TEAD1: variants seen among roughly 807,000 people sequenced by gnomAD.
The protein encoded by TEAD1 is transcriptional enhancer factor TEF-1.
A neutral mutation model predicts 54.9 loss-of-function variants in TEAD1; 9 were observed. The observed-to-expected ratio is 0.16, with a 90% CI of 0.10 to 0.29. The LOEUF (loss-of-function observed/expected upper bound fraction) is 0.29, where lower values mean the gene tolerates loss of function less well. Ranked by LOEUF, TEAD1 falls within the 10% of genes least tolerant of loss-of-function variation. TEAD1 has a pLI of 1.00. For synonymous variants in TEAD1, 200 were observed against 187.8 expected, an observed-to-expected ratio of 1.07 and a Z score of -0.53; for missense variants, 387 against 535.9, an observed-to-expected ratio of 0.72 and a Z score of 2.74.
intron 8 of TEAD1, 40 bp from the exon 9 acceptor site, chr11:12,882,961 G>A: frequency 1.2e-6 from 2 of 1,614,092 alleles, no homozygotes; most frequent in African/African-American, 1.3e-5. Flanking sequence ...CCCAAGGGGA[G>A]GTGAGTGACC....
chr11:12,924,971 G>A lies in TEAD1; in HGVS notation c.933G>A (p.Gln311=), dbSNP rs778714697. ...GGGCTTTTTATGGTGTAACCAGTCA[G>A]TACGAGAGTTCTGAAAATATGACAG... Residue 311 remains glutamine, a synonymous_variant, in exon 11 of 13, where the codon CAG becomes CAA. Coordinates refer to ENST00000527636, the MANE Select transcript of TEAD1 (RefSeq NM_021961.6). 3 of 1,614,054 alleles carry A rather than the reference G, an allele frequency of 1.9e-6. No homozygotes were observed. Among genetic ancestry groups the A allele is most frequent in the African/African-American group, 1.3e-5 (1 of 74,926 alleles).
At chr11:12,778,277 C>G (rs908069856) in intron 3 of TEAD1, among the ~76,000 whole-genome samples, 1 of 152,162 alleles carries the variant, frequency 6.6e-6, no homozygotes, top group African/African-American at 2.4e-5. Flanking sequence ...CCTGGATGTT[C>G]TTACTGCTGC....
chr11:12,763,835 A>G (rs564234868), intron 2 of TEAD1, among the ~76,000 whole-genome samples: 1 of 152,332 alleles, frequency 6.6e-6, no homozygotes, highest in South Asian at 2.1e-4. Flanking sequence ...AGTGAGTACC[A>G]TTCTTCCATA....
chr11:12,875,854 G>T (rs1742571385), intron 5 of TEAD1, among the ~76,000 whole-genome samples: 1 of 152,180 alleles, frequency 6.6e-6, no homozygotes, highest in South Asian at 2.1e-4. Context: ...AAAAGTATCT[G>T]TTTATAATGG....
At chr11:12,734,713 A>G (rs1243110695) in intron 2 of TEAD1, among the ~76,000 whole-genome samples, 2 of 152,228 alleles carry the variant, frequency 1.3e-5, no homozygotes, top group Non-Finnish European at 2.9e-5. Context: ...AATATGCCGT[A>G]CAGATCTGTA....
chr11:12,924,803 C>A, intron 10 of TEAD1, 109 bp from the exon 11 acceptor site: 3 of 1,367,780 alleles, frequency 2.2e-6, no homozygotes, highest in Non-Finnish European at 3.1e-6. Context: ...CCTTCCCAAG[C>A]CAGCCCTCTT....
At chr11:12,892,389 C>G (rs1948214245) in intron 9 of TEAD1, among the ~76,000 whole-genome samples, 1 of 152,126 alleles carries the variant, frequency 6.6e-6, no homozygotes, top group Admixed American at 6.5e-5. Context: ...CCTGTAAACC[C>G]AGCACTTTGG....
At chr11:12,832,963 C>T (rs1404683981) in intron 3 of TEAD1, among the ~76,000 whole-genome samples, 1 of 152,256 alleles carries the variant, frequency 6.6e-6, no homozygotes, top group Non-Finnish European at 1.5e-5. Flanking sequence ...GTCTTTTCAT[C>T]TTCCGAAATT....
chr11:12,785,601 T>C (rs1188588491), intron 3 of TEAD1, among the ~76,000 whole-genome samples: 1 of 152,224 alleles, frequency 6.6e-6, no homozygotes, highest in Admixed American at 6.5e-5. Flanking sequence ...TCAATTCTTA[T>C]TCCTATGCCA....
At chr11:12,731,125 C>G (rs890068347) in intron 2 of TEAD1, among the ~76,000 whole-genome samples, 2 of 152,164 alleles carry the variant, frequency 1.3e-5, no homozygotes, top group East Asian at 1.9e-4. Context: ...GATAGGGTCT[C>G]TTAGAATCTT....
At chr11:12,917,271 G>A (rs1422499291) in intron 10 of TEAD1, among the ~76,000 whole-genome samples, 4 of 152,168 alleles carry the variant, frequency 2.6e-5, no homozygotes, top group Admixed American at 2.6e-4. Context: ...CCGGGACAAG[G>A]AATGTGGGTG....
At chr11:12,905,179 C>T (rs893556166) in intron 10 of TEAD1, among the ~76,000 whole-genome samples, 10 of 152,182 alleles carry the variant, frequency 6.6e-5, no homozygotes, top group East Asian at 1.9e-4. Context: ...GCATAGAGTG[C>T]GCTTAGAAAG....
At chr11:12,696,770 G>C (rs1019323082) in intron 2 of TEAD1, among the ~76,000 whole-genome samples, 1 of 152,066 alleles carries the variant, frequency 6.6e-6, no homozygotes, top group Non-Finnish European at 1.5e-5. Context: ...AGCAAAGGGA[G>C]CTCCATTTGG....
At chr11:12,764,926 CTT>C (rs199521412) in intron 3 of TEAD1, among the ~76,000 whole-genome samples, 1 of 143,096 alleles carries the variant, frequency 7.0e-6, no homozygotes. Context: ...AAAGCCAGCA[CTT>C]TTTTTTTTTT....
chr11:12,871,969 A>G lies in TEAD1; in HGVS notation c.330+7069A>G, dbSNP rs116105493. ...TGATTATGTCCAGTCGCCGGTGACT[A>G]ATTTATGAGCTACATGTGCTCCCCC... On this transcript the variant is annotated intron_variant, in intron 5 of 12. Transcript: ENST00000527636. Among the ~76,000 whole-genome samples, 1,249 of 152,214 alleles carry G rather than the reference A, an allele frequency of 8.2e-3. 18 individuals carry two copies. The highest frequency in any genetic ancestry group is 0.028 in the African/African-American group (1,157 of 41,520).
intron 2 of TEAD1, among the ~76,000 whole-genome samples, chr11:12,679,803 T>C (rs1041558102): frequency 1.3e-5 from 2 of 152,162 alleles, no homozygotes; most frequent in African/African-American, 4.8e-5. Context: ...CATCCAAGAA[T>C]GTTGTCTGCT....
At chr11:12,780,064 T>C (rs575345626) in intron 3 of TEAD1, among the ~76,000 whole-genome samples, 1 of 152,214 alleles carries the variant, frequency 6.6e-6, no homozygotes, top group South Asian at 2.1e-4. Flanking sequence ...AGAGCAATTG[T>C]ACAAGGAAAT....
intron 3 of TEAD1, among the ~76,000 whole-genome samples, chr11:12,857,608 G>GTGTGTGTGTT (rs1947416930): frequency 1.3e-5 from 2 of 151,858 alleles, no homozygotes; most frequent in African/African-American, 4.8e-5. Flanking sequence ...GTGTGTGTGT[G>GTGTGTGTGTT]TGTGTTAGAA....
At chr11:12,920,181 C>A (rs1254660422) in intron 10 of TEAD1, among the ~76,000 whole-genome samples, 1 of 152,142 alleles carries the variant, frequency 6.6e-6, no homozygotes, top group Non-Finnish European at 1.5e-5. Context: ...CTTAAAAATG[C>A]GTCAGATCTG....
Sources: allele counts gnomAD v4.1 joint callset (sites outside exome capture counted in the v4.1 genomes callset), GRCh38; gene constraint gnomAD v4.1.1; transcripts MANE v1.5; gene names NCBI Gene and HGNC (gene_info 2026-07-23, HGNC 2026-07-21).